DDX10: variants seen among roughly 807,000 people sequenced by gnomAD.
DDX10 encodes the protein probable ATP-dependent RNA helicase DDX10.
A neutral mutation model predicts 104.3 loss-of-function variants in DDX10; 74 were observed. That is an observed-to-expected ratio of 0.71 (90% CI 0.59 to 0.86). The LOEUF is 0.86. DDX10 is among the 40% of genes least tolerant of loss of function. DDX10 has a pLI of 0.00. For synonymous variants in DDX10, 351 were observed against 353.4 expected, an observed-to-expected ratio of 0.99 and a Z score of 0.08; for missense variants, 952 against 1,040.0, an observed-to-expected ratio of 0.92 and a Z score of 1.16.
At chr11:108,922,819 G>T (rs1413412609) in intron 17 of DDX10, among the ~76,000 whole-genome samples, 1 of 152,174 alleles carries the variant, frequency 6.6e-6, no homozygotes, top group Non-Finnish European at 1.5e-5. Flanking sequence ...CTTTTAATGA[G>T]CTTTAAGAAT....
intron 17 of DDX10, among the ~76,000 whole-genome samples, chr11:108,925,235 G>T (rs898293666): frequency 2.0e-5 from 3 of 152,338 alleles, no homozygotes; most frequent in Admixed American, 6.5e-5. Flanking sequence ...ATTTTCTGGG[G>T]TGAGGACTGG....
At chr11:108,697,923 AT>A (rs1389993788) in intron 9 of DDX10, among the ~76,000 whole-genome samples, 4 of 152,192 alleles carry the variant, frequency 2.6e-5, no homozygotes, top group Non-Finnish European at 5.9e-5. Flanking sequence ...GCATTTATAT[AT>A]AACTATTTTT....
intron 17 of DDX10, chr11:108,919,978 T>C (rs1051592572): frequency 6.6e-6 from 1 of 152,136 alleles, no homozygotes; most frequent in Non-Finnish European, 1.5e-5. Context: ...TACCAACACT[T>C]AACTGCTCTA....
chr11:108,771,203 G>T (rs2094362710), intron 13 of DDX10, among the ~76,000 whole-genome samples: 2 of 151,962 alleles, frequency 1.3e-5, no homozygotes, highest in Admixed American at 6.6e-5. Flanking sequence ...CAGATTATTA[G>T]ATTTTTTTCC....
chr11:108,666,334 G>C (rs369509369), intron 1 of DDX10, among the ~76,000 whole-genome samples: 3 of 152,122 alleles, frequency 2.0e-5, no homozygotes. Flanking sequence ...AAAAAAATTA[G>C]CTGGGCCTAG....
intron 15 of DDX10, among the ~76,000 whole-genome samples, chr11:108,842,972 T>C (rs950418542): frequency 8.5e-5 from 13 of 152,232 alleles, no homozygotes; most frequent in Non-Finnish European, 1.6e-4. Context: ...ACTATATCCA[T>C]GTCATTGAAT....
At chr11:108,834,122 A>ATTT (rs544463476) in intron 13 of DDX10, among the ~76,000 whole-genome samples, 23 of 139,404 alleles carry the variant, frequency 1.6e-4, no homozygotes, top group African/African-American at 5.8e-4. Flanking sequence ...AGCCTGGCTA[A>ATTT]TTTTTTTTTT....
intron 13 of DDX10, among the ~76,000 whole-genome samples, chr11:108,774,625 C>G (rs143175453): frequency 6.6e-6 from 1 of 151,986 alleles, no homozygotes; most frequent in African/African-American, 2.4e-5. Context: ...TTTCTTTTAT[C>G]CCCTCCAAAC....
chr11:108,860,229 A>C (rs1401819062), intron 16 of DDX10, among the ~76,000 whole-genome samples: 2 of 152,222 alleles, frequency 1.3e-5, no homozygotes, highest in Non-Finnish European at 2.9e-5. Context: ...TATACCATAC[A>C]TATATATTAT....
At chr11:108,801,589 C>T (rs1396564609) in intron 13 of DDX10, among the ~76,000 whole-genome samples, 1 of 152,176 alleles carries the variant, frequency 6.6e-6, no homozygotes, top group Non-Finnish European at 1.5e-5. Flanking sequence ...TTCCTACTTT[C>T]TTTTCACCAC....
At chr11:108,750,697 TTAGA>T (rs1467376046) in intron 13 of DDX10, among the ~76,000 whole-genome samples, 4 of 151,724 alleles carry the variant, frequency 2.6e-5, no homozygotes, top group African/African-American at 7.2e-5. Flanking sequence ...ACGAATTGAA[TTAGA>T]TAGACTTTTC....
At chr11:108,897,651 C>G (rs1863458797) in intron 16 of DDX10, among the ~76,000 whole-genome samples, 1 of 151,456 alleles carries the variant, frequency 6.6e-6, no homozygotes, top group Admixed American at 6.6e-5. Context: ...TTTGAACGTA[C>G]AAAGGATTTT....
intron 13 of DDX10, among the ~76,000 whole-genome samples, chr11:108,731,936 T>C (rs1337430422): frequency 6.6e-6 from 1 of 152,218 alleles, no homozygotes; most frequent in Admixed American, 6.5e-5. Flanking sequence ...TGTTGAAATT[T>C]TTGTTGCTCA....
chr11:108,882,501 G>A (rs117939120), intron 16 of DDX10, among the ~76,000 whole-genome samples: 12 of 152,290 alleles, frequency 7.9e-5, no homozygotes, highest in East Asian at 1.9e-4. Context: ...AAGAAGACTC[G>A]TGTTTAATTC....
intron 10 of DDX10, among the ~76,000 whole-genome samples, chr11:108,712,391 C>A (rs1389894648): frequency 6.6e-6 from 1 of 151,924 alleles, no homozygotes; most frequent in Non-Finnish European, 1.5e-5. Flanking sequence ...TCCTCTCTTT[C>A]AGCCTCTTGT....
In DDX10 at chr11:108,675,616, C is replaced by G. The variant is rs201254153; in HGVS notation, c.268C>G (p.Arg90Gly). Residue 90 changes from arginine to glycine, a missense_variant, in exon 3 of 18, where the codon CGT becomes GGT. Physicochemically the swap from Arg to Gly is moderately radical, Grantham distance 125. Coordinates refer to ENST00000322536, the MANE Select transcript of DDX10 (RefSeq NM_004398.4). The part of the protein sequence containing the change: ...TLKGLQEAQY[R>G]LVTEIQKQTI... ...GCCAGGTTTGCAAGAAGCTCAGTAC[C>G]GTTTGGTGACTGAGATACAGAAGCA... 6.2e-7 allele frequency: 1 copy of G among 1,613,984 alleles called. No individual in the cohort carries two copies. The highest frequency in any genetic ancestry group is 1.7e-5 in the Admixed American group (1 of 59,998).
chr11:108,835,036 C>CT (rs1862535074), intron 13 of DDX10, among the ~76,000 whole-genome samples: 1 of 151,228 alleles, frequency 6.6e-6, no homozygotes, highest in African/African-American at 2.4e-5. Context: ...ATGGTGGTCT[C>CT]TAAGCCTTTG....
At chr11:108,672,617 A>G (rs1348901187) in intron 1 of DDX10, among the ~76,000 whole-genome samples, 4 of 151,878 alleles carry the variant, frequency 2.6e-5, no homozygotes, top group Non-Finnish European at 5.9e-5. Flanking sequence ...ATGAAGTACA[A>G]CTGTCATCCT....
chr11:108,718,519 A>G (rs368319386), intron 11 of DDX10, among the ~76,000 whole-genome samples: 10 of 152,214 alleles, frequency 6.6e-5, no homozygotes, highest in African/African-American at 2.2e-4. Context: ...TAATTTTGGT[A>G]TGTCATGACT....
Sources: gnomAD v4.1 joint callset for allele counts (sites outside exome capture counted in the v4.1 genomes callset) on GRCh38, gnomAD v4.1.1 for gene constraint, MANE v1.5 for transcripts, NCBI Gene and HGNC (gene_info 2026-07-23, HGNC 2026-07-21) for gene names.